The following PPIG variants were observed in gnomAD, a reference collection of about 807,000 sequenced individuals.
PPIG encodes peptidylprolyl isomerase G, also known as peptidyl-prolyl cis-trans isomerase G.
PPIG carries 26 observed loss-of-function variants against 87.9 expected under a neutral mutation model. That is an observed-to-expected ratio of 0.30 (90% confidence interval 0.22 to 0.41). PPIG has a LOEUF of 0.41. Among genes scored for constraint, PPIG ranks in the 10% least tolerant of loss-of-function variants. The pLI, the probability that PPIG is intolerant of heterozygous loss-of-function variation, is 1.00. For synonymous variants in PPIG, 308 were observed against 276.5 expected (o/e 1.11, Z -1.13); for missense variants, 722 against 879.4 (o/e 0.82, Z 2.26).
chr2:169,627,672 G>A (rs1418598233), intron 9 of PPIG, among the ~76,000 whole-genome samples: 3 of 144,582 alleles, frequency 2.1e-5, no homozygotes, highest in East Asian at 4.0e-4. Flanking sequence ...AATTACAGGC[G>A]TGAGAAGCCA....
At position 169,630,965 on chromosome 2, in the gene PPIG, A is replaced by C; in HGVS notation, c.739A>C (p.Lys247Gln). ...CCGAAAACACAAGAAAGAAAAGAAA[A>C]AGCGAAAGAAAAGCAAGAAGAGGTC... ...NSRKHKKEKK[K>Q]RKKSKKSASS... The change falls in exon 10 of 14, where the codon AAG (lysine) becomes CAG (glutamine). Residue 247 changes from lysine to glutamine, a missense_variant. Physicochemically the swap from Lys to Gln is moderately conservative, Grantham distance 53 (BLOSUM62 1). Coordinates refer to ENST00000260970, the MANE Select transcript of PPIG (RefSeq NM_004792.3). The C allele has an allele frequency of 6.3e-7, 1 of 1,594,336 alleles. No individual in the cohort carries two copies. The highest frequency in any genetic ancestry group is 1.2e-5 in the South Asian group (1 of 86,022).
At chr2:169,628,885 G>A (rs953057214) in intron 9 of PPIG, among the ~76,000 whole-genome samples, 2 of 144,274 alleles carry the variant, frequency 1.4e-5, no homozygotes, top group Admixed American at 7.3e-5. Flanking sequence ...GGTCAAGACT[G>A]CAGTGAGCTA....
rs199817529 is a variant in PPIG at position 169,636,893 on chromosome 2, G to T, written c.1635G>T (p.Arg545Ser). ...SKEKDRRAQSRSRECDITKGK... is the reference protein window; with the variant it reads ...SKEKDRRAQSSSRECDITKGK... ...AAAAGGATAGACGCGCACAATCCAG[G>T]AGTAGAGAATGTGATATAACTAAAG... Residue 545 changes from arginine (R) to serine (S), a missense_variant, in exon 14 of 14, where the codon AGG becomes AGT. Physicochemically the swap from Arg to Ser is moderately radical, Grantham distance 110 (BLOSUM62 -1). This residue lies in a region of PPIG where 476 missense variants were observed against 483.1 expected (regional missense o/e 0.99). Transcript: ENST00000260970. 2.5e-6 allele frequency: 4 copies of T among 1,613,886 alleles called. No homozygotes were observed. Among genetic ancestry groups the T allele is most frequent in the Non-Finnish European group, 3.4e-6 (4 of 1,179,972 alleles).
Position 169,637,177 on chromosome 2 carries a change from A to C in PPIG, c.1919A>C (p.Asn640Thr). 6.2e-7 allele frequency: 1 copy of C among 1,613,228 alleles called. No homozygotes were observed. The highest frequency in any genetic ancestry group is 8.5e-7 in the Non-Finnish European group (1 of 1,179,810). The change falls in exon 14 of 14, where the codon AAC (asparagine) becomes ACC (threonine). Residue 640 changes from asparagine (N) to threonine (T), a missense_variant. Around this residue, in one of 4 missense-constraint regions of PPIG, gnomAD observed 476 missense variants for 483.1 expected, o/e 0.99. Coordinates refer to ENST00000260970, the MANE Select transcript of PPIG (RefSeq NM_004792.3). ...GAGAGAGAAGAAAGTCAAAGCAGAA[A>C]CAAAGACAAATACAGAAACCAAGAG... Reference protein sequence around the residue: ...SSEREESQSRNKDKYRNQESK... With the variant: ...SSEREESQSRTKDKYRNQESK...
intron 1 of PPIG, among the ~76,000 whole-genome samples, chr2:169,601,217 A>G (rs1452109822): frequency 6.6e-6 from 1 of 152,186 alleles, no homozygotes; most frequent in Non-Finnish European, 1.5e-5. Flanking sequence ...CCATTGTAAG[A>G]TATTTTGAGT....
intron 11 of PPIG, 151 bp downstream of exon 11, chr2:169,632,084 C>A: frequency 2.8e-6 from 3 of 1,080,796 alleles, no homozygotes; most frequent in South Asian, 2.0e-5. Flanking sequence ...TTCTTTTTTG[C>A]CAACCACATA....
At chr2:169,605,853 T>G (rs1223620321) in intron 4 of PPIG, among the ~76,000 whole-genome samples, 186 bp from the exon 5 acceptor site, 1 of 152,140 alleles carries the variant, frequency 6.6e-6, no homozygotes, top group Non-Finnish European at 1.5e-5. Context: ...TTGAGAGTGA[T>G]TTCTACATTC....
intron 1 of PPIG, among the ~76,000 whole-genome samples, chr2:169,590,119 C>T (rs1319295433): frequency 1.6e-5 from 2 of 124,652 alleles, no homozygotes; most frequent in African/African-American, 3.0e-5. Context: ...GTCTCAACAA[C>T]GACAACAACC....
intron 7 of PPIG, among the ~76,000 whole-genome samples, chr2:169,610,797 TTATAG>T (rs1685464224): frequency 6.6e-6 from 1 of 152,220 alleles, no homozygotes. Flanking sequence ...CCATAACAGT[TTATAG>T]AGATCATTCT....
intron 1 of PPIG, among the ~76,000 whole-genome samples, chr2:169,599,475 C>T (rs551289276): frequency 6.6e-6 from 1 of 151,830 alleles, no homozygotes; most frequent in Non-Finnish European, 1.5e-5. Context: ...TAAAAAAAAA[C>T]CCAAGGACTA....
intron 1 of PPIG, among the ~76,000 whole-genome samples, chr2:169,598,914 T>A (rs982270226): frequency 7.1e-6 from 1 of 140,706 alleles, no homozygotes; most frequent in South Asian, 2.2e-4. Flanking sequence ...GGTAAATATT[T>A]ATATTTATAT....
At chr2:169,608,344 C>T (rs912807848) in intron 6 of PPIG, among the ~76,000 whole-genome samples, 1 of 151,814 alleles carries the variant, frequency 6.6e-6, no homozygotes, top group Admixed American at 6.6e-5. Flanking sequence ...CAAAAATTAG[C>T]TGGGCGTGGT....
At position 169,604,024 on chromosome 2, in the gene PPIG, AGAT is replaced by A; in HGVS notation, c.-16-1_-15del. 1 of 1,610,936 alleles carries A rather than the reference AGAT, an allele frequency of 6.2e-7. No homozygotes were observed. The highest frequency in any genetic ancestry group is 8.5e-7 in the Non-Finnish European group (1 of 1,177,938). On this transcript the variant is annotated splice_acceptor_variant and 5_prime_UTR_variant, in exon 3 of 14. Coordinates refer to ENST00000260970, the MANE Select transcript of PPIG (RefSeq NM_004792.3). LOFTEE classifies it low-confidence loss of function (5UTR_SPLICE). The stretch of plus-strand genomic sequence containing the variant: ...TTGTCTGAAACTGTATTTTACTCAC[AGAT>A]TAAGTATTGGAGCCATGGGAATAAA...
At chr2:169,615,219 C>T (rs2592818) in intron 9 of PPIG, among the ~76,000 whole-genome samples, 61,269 of 151,752 alleles carry the variant, frequency 0.4, 13,007 homozygotes, top group East Asian at 0.58. Flanking sequence ...CAGCTAACTT[C>T]TGTATTTTTA....
chr2:169,607,267 C>G, intron 6 of PPIG, 119 bp downstream of exon 6: 2 of 588,552 alleles, frequency 3.4e-6, no homozygotes, highest in Non-Finnish European at 5.6e-6. Context: ...CTGCCTTCAA[C>G]TAATCTGAAG....
At chr2:169,626,782 T>C (rs1456603172) in intron 9 of PPIG, among the ~76,000 whole-genome samples, 1 of 152,208 alleles carries the variant, frequency 6.6e-6, no homozygotes, top group Non-Finnish European at 1.5e-5. Flanking sequence ...CAATCTCGGC[T>C]CACTGCAACC....
intron 1 of PPIG, among the ~76,000 whole-genome samples, chr2:169,586,338 T>G (rs1012168431): frequency 1.3e-5 from 2 of 152,168 alleles, no homozygotes; most frequent in Non-Finnish European, 2.9e-5. Context: ...TTAGAAAAAT[T>G]TGGACTTTCT....
chr2:169,634,390 C>T lies in PPIG; in HGVS notation c.1017+1143C>T, dbSNP rs1296339499. On this transcript the variant is annotated intron_variant, in intron 12 of 13. Transcript: ENST00000260970. ...TACCTAACCTTTAAATACTGTAGTA[C>T]CTCAGGGTTCCCATTCAAATCTTCT... Among the ~76,000 whole-genome samples the T allele has an allele frequency of 2.6e-5, 4 of 152,086 alleles. No homozygotes were observed. In the East Asian group the frequency reaches 7.7e-4, roughly 29 times the overall value.
chr2:169,606,591 CAA>C (rs71006009), intron 5 of PPIG, among the ~76,000 whole-genome samples: 37 of 85,022 alleles, frequency 4.4e-4, no homozygotes, highest in South Asian at 1.1e-3. Flanking sequence ...GACTCTGTCT[CAA>C]AAAAAAAAAA....
Sources: allele counts gnomAD v4.1 joint callset (sites outside exome capture counted in the v4.1 genomes callset), GRCh38; gene constraint gnomAD v4.1.1; regional missense constraint gnomAD v4.1.1; transcripts MANE v1.5; gene names NCBI Gene and HGNC (gene_info 2026-07-23, HGNC 2026-07-21).